Variants in ZNF133 observed in about 807,000 individuals in gnomAD.
ZNF133 encodes the protein zinc finger protein 133, also known as zinc finger protein 133 (clone pHZ-13).
Under a neutral mutation model 54.9 loss-of-function variants are expected in ZNF133, and 26 were observed. That is an observed-to-expected ratio of 0.47 (90% CI 0.35 to 0.66). The LOEUF (loss-of-function observed/expected upper bound fraction) is 0.66. ZNF133 is among the 30% of genes least tolerant of loss of function. The pLI is 0.01. For missense variants in ZNF133, 653 were observed against 820.8 expected (o/e 0.80, Z 2.50); for synonymous variants, 298 against 320.3 (o/e 0.93, Z 0.74).
chr20:18,316,486 G>C lies in ZNF133; in HGVS notation c.1635G>C (p.Ser545=), dbSNP rs370327178. Residue 545 remains serine (S), a synonymous_variant, in exon 7 of 7, where the codon TCG becomes TCC. Coordinates refer to ENST00000425686, the MANE Select transcript of ZNF133 (RefSeq NM_001352452.2). ...TCATCAGGCACAAGCGGAAGCACTC[G>C]AGGGAGAAGCCCTACATGTGCAGGC... ...AGLIRHKRKH[S]REKPYMCRQC... The C allele has an allele frequency of 1.9e-6, 3 of 1,613,964 alleles. No homozygotes were observed. Among genetic ancestry groups the C allele is most frequent in the Non-Finnish European group, 2.5e-6 (3 of 1,180,030 alleles).
At chr20:18,304,643 T>C (rs1395379856) in intron 3 of ZNF133, among the ~76,000 whole-genome samples, 3 of 152,220 alleles carry the variant, frequency 2.0e-5, no homozygotes, top group Non-Finnish European at 2.9e-5. Context: ...AAAGGACATA[T>C]ATGATTGCAC....
chr20:18,294,958 C>T (rs1347902847), intron 1 of ZNF133, among the ~76,000 whole-genome samples: 1 of 152,190 alleles, frequency 6.6e-6, no homozygotes, highest in Non-Finnish European at 1.5e-5. Context: ...TTAAGGTCCT[C>T]ATGGTATCCT....
intron 1 of ZNF133, among the ~76,000 whole-genome samples, chr20:18,290,589 C>T (rs2040718741): frequency 6.6e-6 from 1 of 151,808 alleles, no homozygotes; most frequent in South Asian, 2.1e-4. Context: ...ATATCTAGCC[C>T]ATATTGTTTT....
Position 18,316,650 on chromosome 20 carries a change from A to G in ZNF133, c.1799A>G (p.His600Arg). 6.2e-7 allele frequency: 1 copy of G among 1,614,058 alleles called. No homozygotes were observed. The highest frequency in any genetic ancestry group is 8.5e-7 in the Non-Finnish European group (1 of 1,180,026). The part of the protein sequence containing the change: ...KSHLTLHQMT[H>R]TGEKPYVCKT... ...CACCTCACCTTACATCAAATGACAC[A>G]TACGGGGGAGAAGCCATATGTGTGC... The change falls in exon 7 of 7, where the codon CAT becomes CGT. Residue 600 changes from histidine to arginine, a missense_variant. Physicochemically the swap from His to Arg is conservative, Grantham distance 29. Transcript: ENST00000425686.
In ZNF133 at chr20:18,316,487, AG is replaced by A. The variant is rs780320295; in HGVS notation, c.1639del (p.Glu547ArgfsTer19). The A allele has an allele frequency of 1.2e-6, 2 of 1,614,090 alleles. No homozygotes were observed. The highest frequency in any genetic ancestry group is 1.7e-6 in the Non-Finnish European group (2 of 1,180,016). The stretch of plus-strand genomic sequence containing the variant: ...CATCAGGCACAAGCGGAAGCACTCG[AG>A]GGAGAAGCCCTACATGTGCAGGCAG... ...GLIRHKRKHS[R>X]EKPYMCRQCG... On this transcript the variant is annotated frameshift_variant, in exon 7 of 7. Transcript: ENST00000425686. LOFTEE classifies it high-confidence loss of function.
At chr20:18,303,720 G>A (rs2043937816) in intron 3 of ZNF133, among the ~76,000 whole-genome samples, 1 of 152,134 alleles carries the variant, frequency 6.6e-6, no homozygotes, top group Non-Finnish European at 1.5e-5. Flanking sequence ...AAACGCTATT[G>A]GGCAAACTGT....
At chr20:18,313,330 C>T (rs2300816) in intron 6 of ZNF133, 26,912 of 152,216 alleles carry the variant, frequency 0.18, 3,147 homozygotes, top group Non-Finnish European at 0.27. Context: ...TTCTATAATT[C>T]TGAAATACAT....
intron 1 of ZNF133, among the ~76,000 whole-genome samples, chr20:18,296,915 ACT>A (rs2042342479): frequency 6.6e-6 from 1 of 152,032 alleles, no homozygotes; most frequent in South Asian, 2.1e-4. Flanking sequence ...AATTTCAAAA[ACT>A]CTGGTAGAAC....
At chr20:18,291,488 C>CT (rs2146803193) in intron 1 of ZNF133, among the ~76,000 whole-genome samples, 1 of 152,300 alleles carries the variant, frequency 6.6e-6, no homozygotes, top group East Asian at 1.9e-4. Context: ...TGCTCCTCCT[C>CT]TGTCTCCTTT....
intron 3 of ZNF133, among the ~76,000 whole-genome samples, chr20:18,303,024 T>C (rs1333684802): frequency 6.6e-6 from 1 of 151,432 alleles, no homozygotes; most frequent in East Asian, 1.9e-4. Context: ...TGGAAAGACA[T>C]CACATGTTTG....
rs949705957 is a variant in ZNF133 at position 18,300,631 on chromosome 20, G to A, written c.-178+2167G>A. Reference sequence around the variant, plus strand: ...TAGTTTCAGAAGAATGGAAAAAGACGTTTCATGCAAATAGAAACCAAAGAA... The same window carrying A: ...TAGTTTCAGAAGAATGGAAAAAGACATTTCATGCAAATAGAAACCAAAGAA... On this transcript the variant is annotated intron_variant, in intron 3 of 6. Transcript: ENST00000425686. Among the ~76,000 whole-genome samples, 9 of 152,148 alleles carry A rather than the reference G, an allele frequency of 5.9e-5. No individual in the cohort carries two copies. The East Asian group carries it at 9.6e-4, about 16-fold the overall frequency.
In ZNF133 at chr20:18,315,455, T is replaced by C. The variant is rs745588280; in HGVS notation, c.604T>C (p.Leu202=). The change falls in exon 7 of 7, where the codon TTG becomes CTG. Residue 202 remains leucine, a synonymous_variant. Transcript: ENST00000425686. ...QSGNPEETDK[L]LKRIEVLGFG... is the part of the protein sequence containing the mutation. ...AGGGAACCCTGAGGAAACAGACAAA[T>C]TGTTGAAGAGGATAGAAGTCTTAGG... 4.3e-6 allele frequency: 7 copies of C among 1,613,990 alleles called. No individual in the cohort carries two copies. The highest frequency in any genetic ancestry group is 2.2e-5 in the East Asian group (1 of 44,882).
chr20:18,296,879 C>A (rs950606146), intron 1 of ZNF133, among the ~76,000 whole-genome samples: 4 of 152,186 alleles, frequency 2.6e-5, no homozygotes, highest in African/African-American at 9.7e-5. Flanking sequence ...TACATTCCCA[C>A]CAGCAGTATG....
At chr20:18,311,079 T>TGAGG (rs61676242) in intron 6 of ZNF133, among the ~76,000 whole-genome samples, 52,016 of 151,738 alleles carry the variant, frequency 0.34, 10,662 homozygotes, top group African/African-American at 0.56. Context: ...CTCAGGAGGC[T>TGAGG]GAGACCAAGG....
In ZNF133 at chr20:18,315,716, G is replaced by A. The variant is rs754663871; in HGVS notation, c.865G>A (p.Glu289Lys). ...FNRKSTLIIH[E>K]RTHSGEKPYM... ...CCGGAAGTCAACGCTAATCATACAC[G>A]AACGGACACACTCCGGTGAGAAACC... The change falls in exon 7 of 7, where the codon GAA becomes AAA. Residue 289 changes from glutamate (E) to lysine (K), a missense_variant. Physicochemically the swap from Glu to Lys is moderately conservative, Grantham distance 56 (BLOSUM62 1). Around this residue, in one of 4 missense-constraint regions of ZNF133, gnomAD observed 292 missense variants for 431.6 expected, o/e 0.68. Coordinates refer to ENST00000425686, the MANE Select transcript of ZNF133 (RefSeq NM_001352452.2). 4.3e-6 allele frequency: 7 copies of A among 1,613,596 alleles called. No homozygotes were observed. The Admixed American group carries it at 5.0e-5, about 12-fold the overall frequency.
Position 18,298,070 on chromosome 20 carries a change from T to G in ZNF133, c.-354+8T>G. On this transcript the variant is annotated splice_region_variant and intron_variant, in intron 2 of 6. Transcript: ENST00000425686. ...CGGAGAGCCAGGGGAATGGTGAGTG[T>G]TTCCTGTCTCCATTACTGGCTGTAA... 6.5e-7 allele frequency: 1 copy of G among 1,535,526 alleles called. No homozygotes were observed. The highest frequency in any genetic ancestry group is 8.7e-7 in the Non-Finnish European group (1 of 1,146,802).
chr20:18,305,632 A>C lies in ZNF133; in HGVS notation c.-6-49A>C. The C allele has an allele frequency of 6.2e-7, 1 of 1,613,274 alleles. No homozygotes were observed. The highest frequency in any genetic ancestry group is 1.1e-5 in the South Asian group (1 of 90,996). Reference sequence around the variant, plus strand: ...CCTTATCCCTGCCCCTCACCCTGCCATGGGCAAGGCTGGCTTCTGAGTGAG... The same window carrying C: ...CCTTATCCCTGCCCCTCACCCTGCCCTGGGCAAGGCTGGCTTCTGAGTGAG... On this transcript the variant is annotated intron_variant, in intron 4 of 6. Transcript: ENST00000425686. The surrounding 1 kb of genome is among the most constrained non-coding windows in gnomAD (Gnocchi z 4.7).
At chr20:18,292,312 A>G (rs2041242861) in intron 1 of ZNF133, among the ~76,000 whole-genome samples, 1 of 152,186 alleles carries the variant, frequency 6.6e-6, no homozygotes. Context: ...CAAAGTCAAA[A>G]CCAGTATCCT....
At chr20:18,310,190 G>C in intron 6 of ZNF133, 4 of 1,401,630 alleles carry the variant, frequency 2.9e-6, no homozygotes, top group Non-Finnish European at 3.7e-6. Flanking sequence ...CTCTTACAAT[G>C]ATGTTGAGCA....
Sources: allele counts gnomAD v4.1 joint callset (sites outside exome capture counted in the v4.1 genomes callset), GRCh38; gene constraint gnomAD v4.1.1; regional missense constraint gnomAD v4.1.1; non-coding constraint Gnocchi (gnomAD v3.1); transcripts MANE v1.5; gene names NCBI Gene and HGNC (gene_info 2026-07-23, HGNC 2026-07-21).